ADAMTSL1: variants seen among roughly 807,000 people sequenced by gnomAD.
ADAMTSL1 encodes the protein ADAMTS-like protein 1.
Under a neutral mutation model 201.8 loss-of-function variants are expected in ADAMTSL1, and 126 were observed. The observed-to-expected ratio is 0.62, with a 90% CI of 0.54 to 0.72. ADAMTSL1 has a LOEUF of 0.72. Among genes scored for constraint, ADAMTSL1 ranks in the 30% least tolerant of loss-of-function variants. The pLI, the probability that ADAMTSL1 is intolerant of heterozygous loss-of-function variation, is 0.00. For synonymous variants in ADAMTSL1, 1,121 were observed against 903.4 expected, an observed-to-expected ratio of 1.24 and a Z score of -4.32; for missense variants, 2,679 against 2,277.8, an observed-to-expected ratio of 1.18 and a Z score of -3.59.
chr9:18,281,457 G>A (rs1261233577), intron 2 of ADAMTSL1, among the ~76,000 whole-genome samples: 1 of 152,120 alleles, frequency 6.6e-6, no homozygotes, highest in Non-Finnish European at 1.5e-5. Context: ...GACGATGAGA[G>A]GTCTCATGAA....
At chr9:18,209,432 A>G (rs1009517912) in intron 2 of ADAMTSL1, among the ~76,000 whole-genome samples, 12 of 152,158 alleles carry the variant, frequency 7.9e-5, no homozygotes, top group Admixed American at 6.5e-4. Flanking sequence ...CTATGTGAAC[A>G]CTCATTGGAG....
intron 1 of ADAMTSL1, among the ~76,000 whole-genome samples, chr9:17,967,143 G>A (rs1818006521): frequency 6.6e-6 from 1 of 152,050 alleles, no homozygotes. Flanking sequence ...TTTGATCATT[G>A]TCTCTAGGGC....
chr9:18,185,282 T>A (rs1189890535), intron 2 of ADAMTSL1, among the ~76,000 whole-genome samples: 1 of 152,144 alleles, frequency 6.6e-6, no homozygotes, highest in Non-Finnish European at 1.5e-5. Flanking sequence ...AGTCTTGCTC[T>A]CCTTCCTACT....
At chr9:18,687,424 C>T (rs1035312181) in intron 13 of ADAMTSL1, among the ~76,000 whole-genome samples, 6 of 152,174 alleles carry the variant, frequency 3.9e-5, no homozygotes, top group Non-Finnish European at 7.3e-5. Flanking sequence ...ACTCACACTG[C>T]TTAAATTAAA....
chr9:18,647,910 G>T (rs1296027414), intron 7 of ADAMTSL1, among the ~76,000 whole-genome samples: 1 of 150,370 alleles, frequency 6.7e-6, no homozygotes, highest in African/African-American at 2.4e-5. Context: ...GGTCCGCTTG[G>T]TGCAGAGCTG....
At chr9:17,945,829 G>T (rs1422072724) in intron 1 of ADAMTSL1, among the ~76,000 whole-genome samples, 1 of 106,700 alleles carries the variant, frequency 9.4e-6, no homozygotes, top group African/African-American at 3.6e-5. Flanking sequence ...GGTGGGGGGA[G>T]GGGGGAGGGA....
chr9:18,284,662 T>C (rs567272684), intron 2 of ADAMTSL1, among the ~76,000 whole-genome samples: 8 of 152,352 alleles, frequency 5.3e-5, no homozygotes, highest in African/African-American at 1.7e-4. Context: ...TGTTGAATTT[T>C]TGTTTAACAT....
chr9:18,370,438 T>G (rs1836994162), intron 2 of ADAMTSL1, among the ~76,000 whole-genome samples: 1 of 152,098 alleles, frequency 6.6e-6, no homozygotes. Flanking sequence ...AACCTGCATA[T>G]GTACCCCCCC....
intron 23 of ADAMTSL1, among the ~76,000 whole-genome samples, chr9:18,831,008 G>C (rs562875104): frequency 6.6e-6 from 1 of 152,298 alleles, no homozygotes; most frequent in South Asian, 2.1e-4. Context: ...TGGGTTCCCA[G>C]TCGTATTGGT....
intron 13 of ADAMTSL1, among the ~76,000 whole-genome samples, chr9:18,702,752 T>C (rs910534992): frequency 6.6e-6 from 1 of 152,106 alleles, no homozygotes; most frequent in Non-Finnish European, 1.5e-5. Context: ...ACAGTAGTGT[T>C]GCTAACAAAA....
At chr9:18,410,846 C>CTT (rs1554674422) in intron 2 of ADAMTSL1, among the ~76,000 whole-genome samples, 2 of 47,298 alleles carry the variant, frequency 4.2e-5, no homozygotes, top group Admixed American at 2.4e-4. Context: ...TCTTCTTCTT[C>CTT]TTTTTTTTTT....
intron 2 of ADAMTSL1, among the ~76,000 whole-genome samples, chr9:18,197,544 T>A (rs1829234221): frequency 7.2e-6 from 1 of 139,060 alleles, no homozygotes; most frequent in South Asian, 2.6e-4. Flanking sequence ...CCTGAGACTT[T>A]GCTGAAGTTG....
At chr9:18,278,939 C>G (rs1285051585) in intron 2 of ADAMTSL1, among the ~76,000 whole-genome samples, 1 of 151,796 alleles carries the variant, frequency 6.6e-6, no homozygotes, top group East Asian at 1.9e-4. Flanking sequence ...TCTGTTTCAT[C>G]AAGTCTGCTG....
chr9:18,576,364 A>G (rs1396644467), intron 4 of ADAMTSL1, among the ~76,000 whole-genome samples: 2 of 152,206 alleles, frequency 1.3e-5, no homozygotes, highest in Non-Finnish European at 2.9e-5. Flanking sequence ...AGAAACATGG[A>G]GGCTTGAACG....
At chr9:18,142,536 G>A (rs1826446923) in intron 1 of ADAMTSL1, among the ~76,000 whole-genome samples, 2 of 152,158 alleles carry the variant, frequency 1.3e-5, no homozygotes, top group African/African-American at 2.4e-5. Context: ...TGGGGACTTG[G>A]AAAAGTATTT....
chr9:18,582,247 CT>C (rs764680687), intron 4 of ADAMTSL1, among the ~76,000 whole-genome samples: 25 of 152,258 alleles, frequency 1.6e-4, no homozygotes, highest in Non-Finnish European at 2.6e-4. Context: ...ATGCTAGTAC[CT>C]TTTTGTTTAA....
chr9:18,440,304 G>A (rs1048163383), intron 2 of ADAMTSL1, among the ~76,000 whole-genome samples: 1 of 151,992 alleles, frequency 6.6e-6, no homozygotes, highest in African/African-American at 2.4e-5. Context: ...TTTGTGAACA[G>A]AACACCCACA....
chr9:18,382,730 G>A (rs1563925183), intron 2 of ADAMTSL1, among the ~76,000 whole-genome samples: 1 of 152,042 alleles, frequency 6.6e-6, no homozygotes, highest in East Asian at 1.9e-4. Flanking sequence ...ACATCACAGT[G>A]TACTTCTTGT....
At chr9:18,368,490 G>C (rs1022780221) in intron 2 of ADAMTSL1, among the ~76,000 whole-genome samples, 1 of 152,126 alleles carries the variant, frequency 6.6e-6, no homozygotes, top group South Asian at 2.1e-4. Flanking sequence ...TATTTAGACA[G>C]ATTTTTTTGT....
Sources: gnomAD v4.1 joint callset for allele counts (sites outside exome capture counted in the v4.1 genomes callset) on GRCh38, gnomAD v4.1.1 for gene constraint, MANE v1.5 for transcripts, NCBI Gene and HGNC (gene_info 2026-07-23, HGNC 2026-07-21) for gene names.